CTNNBIP1: variants seen among roughly 807,000 people sequenced by gnomAD.
The protein encoded by CTNNBIP1 is beta-catenin-interacting protein 1.
A neutral mutation model predicts 11.8 loss-of-function variants in CTNNBIP1; 7 were observed. The observed-to-expected ratio is 0.60, with a 90% CI of 0.34 to 1.12. The LOEUF is 1.12. Ranked by LOEUF, CTNNBIP1 falls within the 50% of genes most tolerant of loss-of-function variation. CTNNBIP1 has a pLI of 0.03. For missense variants in CTNNBIP1, 101 were observed against 113.4 expected (o/e 0.89, Z 0.50); for synonymous variants, 58 against 43.9 (o/e 1.32, Z -1.26).
chr1:9,887,397 G>C (rs906847472), intron 1 of CTNNBIP1, among the ~76,000 whole-genome samples: 2 of 152,212 alleles, frequency 1.3e-5, no homozygotes, highest in African/African-American at 4.8e-5. Flanking sequence ...GTTGACAGAC[G>C]CATTATCCAT....
In CTNNBIP1 at chr1:9,852,518, C is replaced by T. The variant is rs367741461; in HGVS notation, c.188-1742G>A. On this transcript the variant is annotated intron_variant, in intron 5 of 5. Transcript: ENST00000377263. ...GCCCTATGAATCCTTCCCGTCTTCT[C>T]AGGAACATTCTGTTTTCGCCTGAGC... Among the ~76,000 whole-genome samples, 4 of 152,200 alleles carry T rather than the reference C, an allele frequency of 2.6e-5. No homozygotes were observed. The South Asian group carries it at 8.3e-4, about 31-fold the overall frequency.
rs1338552710 is a variant in CTNNBIP1, at chr1:9,849,920, C to T, written c.*798G>A. On this transcript the variant is annotated 3_prime_UTR_variant, in exon 6 of 6. Transcript: ENST00000377263. ...CAACTTTCCAGCTGTGGACCCTGCT[C>T]AGGGTTCTCGGGGTCCCCTTGCTGG... 1.6e-4 allele frequency: 24 copies of T among 152,312 alleles called. No homozygotes were observed. Among genetic ancestry groups the T allele is most frequent in the Admixed American group, 1.6e-3 (24 of 15,278 alleles). 9.4% of individuals were successfully genotyped at this position (152,312 alleles called of 1,614,324 possible).
Position 9,850,403 on chromosome 1 carries a change from A to G in CTNNBIP1, c.*315T>C, listed in dbSNP as rs772091568. Reference sequence around the variant, plus strand: ...GAGCTTCCAGGGAAGCCAGATACCGAGGCGCAAATTTTTTAAAAAATAAGA... The same window carrying G: ...GAGCTTCCAGGGAAGCCAGATACCGGGGCGCAAATTTTTTAAAAAATAAGA... On this transcript the variant is annotated 3_prime_UTR_variant, in exon 6 of 6. Coordinates refer to ENST00000377263, the MANE Select transcript of CTNNBIP1 (RefSeq NM_020248.3). 7.2e-5 allele frequency: 18 copies of G among 249,470 alleles called. No homozygotes were observed. The highest frequency in any genetic ancestry group is 1.2e-4 in the Non-Finnish European group (16 of 128,502). The allele number at this position is 249,470 out of a possible 1,614,324, so 15.5% of individuals were successfully genotyped here. A position where few individuals can be genotyped will look rare whatever the true frequency, so the allele number is the denominator to read the frequency against.
intron 1 of CTNNBIP1, among the ~76,000 whole-genome samples, chr1:9,901,002 T>TG (rs1476412175): frequency 2.6e-5 from 4 of 152,050 alleles, no homozygotes; most frequent in African/African-American, 9.7e-5. Flanking sequence ...GTAAGTAAAA[T>TG]GGGATTATTC....
At chr1:9,857,758 G>A (rs1178878793) in intron 5 of CTNNBIP1, among the ~76,000 whole-genome samples, 12 of 152,144 alleles carry the variant, frequency 7.9e-5, no homozygotes, top group Non-Finnish European at 1.5e-4. Context: ...CTGAGATCAC[G>A]CCATTGCACT....
At chr1:9,900,810 G>C (rs1027365195) in intron 1 of CTNNBIP1, among the ~76,000 whole-genome samples, 7 of 152,298 alleles carry the variant, frequency 4.6e-5, no homozygotes, top group African/African-American at 1.4e-4. Flanking sequence ...CAACTCCAGC[G>C]ATCGGCCAGA....
At position 9,849,169 on chromosome 1, in the gene CTNNBIP1, G is replaced by C. The variant is rs958254303; in HGVS notation, c.*1549C>G. 3 of 152,316 alleles carry C rather than the reference G, an allele frequency of 2.0e-5. No individual in the cohort carries two copies. Among genetic ancestry groups the C allele is most frequent in the African/African-American group, 7.2e-5 (3 of 41,442 alleles). 9.4% of individuals were successfully genotyped at this position (152,316 alleles called of 1,614,324 possible). A position where few individuals can be genotyped will look rare whatever the true frequency, so the allele number is the denominator to read the frequency against. Reference sequence around the variant, plus strand: ...GAGGACCACCTCCCTCCCAGGGAAGGGGGTGGCAGGTGGAAGGACTTAGGT... The same window carrying C: ...GAGGACCACCTCCCTCCCAGGGAAGCGGGTGGCAGGTGGAAGGACTTAGGT... On this transcript the variant is annotated 3_prime_UTR_variant, in exon 6 of 6. Transcript: ENST00000377263.
intron 3 of CTNNBIP1, among the ~76,000 whole-genome samples, chr1:9,876,463 A>G (rs1298752012): frequency 1.3e-5 from 2 of 152,104 alleles, no homozygotes; most frequent in Non-Finnish European, 2.9e-5. Context: ...TAAAAAATAC[A>G]AAAAATTAGC....
At chr1:9,908,081 C>A (rs1416003751) in intron 1 of CTNNBIP1, among the ~76,000 whole-genome samples, 1 of 152,212 alleles carries the variant, frequency 6.6e-6, no homozygotes, top group African/African-American at 2.4e-5. Flanking sequence ...CCGCCCAAGA[C>A]GGAGTTTTGC....
At chr1:9,891,681 C>T (rs1639303430) in intron 1 of CTNNBIP1, among the ~76,000 whole-genome samples, 1 of 152,134 alleles carries the variant, frequency 6.6e-6, no homozygotes, top group South Asian at 2.1e-4. Flanking sequence ...GTGGCAAATG[C>T]CTGTAATCCC....
At chr1:9,897,924 G>C (rs1639443774) in intron 1 of CTNNBIP1, among the ~76,000 whole-genome samples, 2 of 151,354 alleles carry the variant, frequency 1.3e-5, no homozygotes, top group Non-Finnish European at 2.9e-5. Flanking sequence ...TTCAAGACCA[G>C]CCTGGCCAAT....
intron 1 of CTNNBIP1, among the ~76,000 whole-genome samples, chr1:9,891,958 T>C (rs1432200801): frequency 3.3e-5 from 5 of 152,118 alleles, no homozygotes; most frequent in African/African-American, 7.2e-5. Flanking sequence ...CGTGCCACCA[T>C]GTCCAGCTAA....
intron 1 of CTNNBIP1, among the ~76,000 whole-genome samples, chr1:9,908,273 G>A (rs2101554658): frequency 6.6e-6 from 1 of 151,992 alleles, no homozygotes; most frequent in African/African-American, 2.4e-5. Context: ...TGGTCAGGAT[G>A]GTCTCGAACT....
At chr1:9,864,390 G>A (rs979138209) in intron 5 of CTNNBIP1, among the ~76,000 whole-genome samples, 4 of 152,170 alleles carry the variant, frequency 2.6e-5, no homozygotes, top group Non-Finnish European at 4.4e-5. Flanking sequence ...GTGCAGTGGC[G>A]CGATCTCGGC....
intron 1 of CTNNBIP1, among the ~76,000 whole-genome samples, chr1:9,898,264 A>G (rs1458642005): frequency 2.7e-5 from 4 of 150,296 alleles, no homozygotes; most frequent in Non-Finnish European, 5.9e-5. Flanking sequence ...AGTGGCTCAC[A>G]CCTGTAATCC....
At chr1:9,852,920 C>T (rs1411628966) in intron 5 of CTNNBIP1, among the ~76,000 whole-genome samples, 1 of 152,174 alleles carries the variant, frequency 6.6e-6, no homozygotes, top group Non-Finnish European at 1.5e-5. Flanking sequence ...GAGCCCAGAC[C>T]TGGGGACCAG....
At chr1:9,884,128 G>T (rs1639137118) in intron 1 of CTNNBIP1, among the ~76,000 whole-genome samples, 1 of 152,138 alleles carries the variant, frequency 6.6e-6, no homozygotes, top group South Asian at 2.1e-4. Flanking sequence ...CAGAGCCGGG[G>T]TACAAGGGAC....
At chr1:9,875,305 G>A (rs138362902) in intron 3 of CTNNBIP1, among the ~76,000 whole-genome samples, 55 of 152,320 alleles carry the variant, frequency 3.6e-4, no homozygotes, top group Non-Finnish European at 6.0e-4. Context: ...TTTTGCCGCC[G>A]CATCCACCCA....
At chr1:9,856,821 A>T (rs765582953) in intron 5 of CTNNBIP1, among the ~76,000 whole-genome samples, 12 of 151,828 alleles carry the variant, frequency 7.9e-5, no homozygotes, top group Non-Finnish European at 1.8e-4. Context: ...GTCCATAAAG[A>T]ACTCTTAAAA....
Sources: allele counts gnomAD v4.1 joint callset (sites outside exome capture counted in the v4.1 genomes callset), GRCh38; gene constraint gnomAD v4.1.1; transcripts MANE v1.5; gene names NCBI Gene and HGNC (gene_info 2026-07-23, HGNC 2026-07-21).